The following GALNT13 variants were observed in gnomAD, a reference collection of about 807,000 sequenced individuals.
GALNT13 encodes polypeptide N-acetylgalactosaminyltransferase 13, also known as UDP-GalNAc:polypeptide N-acetylgalactosaminyltransferase 13.
A neutral mutation model predicts 64.2 loss-of-function variants in GALNT13; 28 were observed. The observed-to-expected ratio is 0.44, with a 90% CI of 0.32 to 0.60. The LOEUF (loss-of-function observed/expected upper bound fraction) is 0.60, where lower values mean the gene tolerates loss of function less well. GALNT13 is among the 20% of genes least tolerant of loss of function. The pLI is 0.05. For synonymous variants in GALNT13, 214 were observed against 224.6 expected (o/e 0.95, Z 0.42); for missense variants, 577 against 669.8 (o/e 0.86, Z 1.53).
intron 10 of GALNT13, among the ~76,000 whole-genome samples, chr2:154,398,601 A>G (rs1177488524): frequency 6.6e-6 from 1 of 152,206 alleles, no homozygotes; most frequent in Non-Finnish European, 1.5e-5. Context: ...CATAGCATCT[A>G]AAAGAGGCAG....
chr2:153,209,069 C>T, the GALNT13 span, among the ~76,000 whole-genome samples: 885 of 148,508 alleles, frequency 6.0e-3, 5 homozygotes, highest in South Asian at 9.4e-3. Context: ...AACTCTGCCT[C>T]CCGGTTCACG....
chr2:153,163,846 C>T, the GALNT13 span, among the ~76,000 whole-genome samples: 5 of 151,924 alleles, frequency 3.3e-5, no homozygotes, highest in Non-Finnish European at 5.9e-5. Flanking sequence ...GGTGAAACCC[C>T]ATCTCTACTA....
At chr2:153,181,044 T>TTTC in the GALNT13 span, among the ~76,000 whole-genome samples, 1 of 141,990 alleles carries the variant, frequency 7.0e-6, no homozygotes. Flanking sequence ...TTTTTTTTTT[T>TTTC]TTTTTGCTGT....
At chr2:153,096,439 A>G in the GALNT13 span, among the ~76,000 whole-genome samples, 1 of 152,176 alleles carries the variant, frequency 6.6e-6, no homozygotes, top group Non-Finnish European at 1.5e-5. Flanking sequence ...TGTTTTGAAG[A>G]TCTGTCCAGT....
intron 2 of GALNT13, among the ~76,000 whole-genome samples, chr2:153,918,454 C>G (rs941778562): frequency 1.1e-4 from 16 of 152,202 alleles, no homozygotes; most frequent in African/African-American, 3.9e-4. Flanking sequence ...TCATAGCCAA[C>G]CTTTGCTACT....
intron 3 of GALNT13, among the ~76,000 whole-genome samples, chr2:154,041,305 A>G (rs1698963068): frequency 7.1e-6 from 1 of 140,768 alleles, no homozygotes; most frequent in Non-Finnish European, 1.6e-5. Flanking sequence ...ATTCCACAAT[A>G]ACTGTGTTAT....
chr2:154,120,417 T>C (rs1319762425), intron 3 of GALNT13, among the ~76,000 whole-genome samples: 3 of 152,102 alleles, frequency 2.0e-5, no homozygotes, highest in Admixed American at 6.6e-5. Context: ...AGGACCAGAG[T>C]CTATGCTCAT....
the GALNT13 span, among the ~76,000 whole-genome samples, chr2:153,171,584 C>T: frequency 1.3e-5 from 2 of 152,128 alleles, no homozygotes; most frequent in Admixed American, 1.3e-4. Flanking sequence ...AGTTTACCAA[C>T]AATCCTTCCC....
chr2:154,096,715 G>C (rs933816916), intron 3 of GALNT13, among the ~76,000 whole-genome samples: 12 of 152,036 alleles, frequency 7.9e-5, no homozygotes, highest in African/African-American at 2.4e-4. Flanking sequence ...TAGTAGCATA[G>C]TTATCAAATC....
the GALNT13 span, among the ~76,000 whole-genome samples, chr2:153,506,256 G>C: frequency 6.6e-6 from 1 of 152,068 alleles, no homozygotes; most frequent in Non-Finnish European, 1.5e-5. Context: ...TGAGTCTCCT[G>C]AAGACAGCAG....
chr2:153,079,230 A>G, the GALNT13 span, among the ~76,000 whole-genome samples: 3 of 152,174 alleles, frequency 2.0e-5, no homozygotes, highest in Admixed American at 2.0e-4. Context: ...CAGAGCTTTT[A>G]CTGTGACTTG....
the GALNT13 span, among the ~76,000 whole-genome samples, chr2:153,076,304 AT>A: frequency 5.9e-5 from 9 of 151,826 alleles, no homozygotes; most frequent in Non-Finnish European, 1.0e-4. Context: ...CTGTCTTTCC[AT>A]TTTTTTCCTT....
At chr2:153,265,270 C>T in the GALNT13 span, among the ~76,000 whole-genome samples, 1 of 152,194 alleles carries the variant, frequency 6.6e-6, no homozygotes, top group Non-Finnish European at 1.5e-5. Context: ...GTTTTTGTGG[C>T]CTAGACAGCC....
intron 9 of GALNT13, among the ~76,000 whole-genome samples, chr2:154,374,210 A>G (rs987046971): frequency 6.6e-6 from 1 of 152,240 alleles, no homozygotes; most frequent in Non-Finnish European, 1.5e-5. Context: ...CCATTGAGAT[A>G]CAGGGTGAAT....
chr2:153,353,813 A>G, the GALNT13 span, among the ~76,000 whole-genome samples: 1 of 152,140 alleles, frequency 6.6e-6, no homozygotes, highest in African/African-American at 2.4e-5. Context: ...TAGTTGTGGT[A>G]TGTAATTCTT....
At chr2:153,784,085 G>A in the GALNT13 span, among the ~76,000 whole-genome samples, 1 of 152,150 alleles carries the variant, frequency 6.6e-6, no homozygotes, top group African/African-American at 2.4e-5. Context: ...GGGCTTAGAA[G>A]AAGGTAGGAA....
At chr2:154,408,923 G>T in intron 10 of GALNT13, 61 bp from the exon 11 acceptor site, 2 of 1,004,424 alleles carry the variant, frequency 2.0e-6, no homozygotes, top group East Asian at 2.4e-5. Flanking sequence ...AGAAGGATTT[G>T]ATGACTTAAA....
intron 9 of GALNT13, among the ~76,000 whole-genome samples, chr2:154,321,808 CATT>C (rs1436967332): frequency 3.9e-5 from 6 of 151,964 alleles, no homozygotes; most frequent in African/African-American, 1.5e-4. Context: ...GTTTAAAAGC[CATT>C]ATTTAAAATG....
At chr2:153,854,711 A>G in the GALNT13 span, among the ~76,000 whole-genome samples, 2 of 152,232 alleles carry the variant, frequency 1.3e-5, no homozygotes, top group African/African-American at 4.8e-5. Context: ...TTATGTTAAA[A>G]GAGTCAATAT....
Sources: allele counts gnomAD v4.1 joint callset (sites outside exome capture counted in the v4.1 genomes callset), GRCh38; gene constraint gnomAD v4.1.1; transcripts MANE v1.5; gene names NCBI Gene and HGNC (gene_info 2026-07-23, HGNC 2026-07-21).